The following DNAH14 variants were observed in gnomAD, a reference collection of about 807,000 sequenced individuals.
The protein encoded by DNAH14 is axonemal beta dynein heavy chain 14.
In DNAH14, 478 loss-of-function variants were observed where a neutral mutation model predicts 520.9. The observed-to-expected ratio is 0.92, with a 90% CI of 0.85 to 0.99. The LOEUF is 0.99. Ranked by LOEUF, DNAH14 falls within the 50% of genes least tolerant of loss-of-function variation. DNAH14 has a pLI of 0.00. For synonymous variants in DNAH14, 1,581 were observed against 1,757.2 expected, an observed-to-expected ratio of 0.90 and a Z score of 2.51; for missense variants, 4,831 against 5,234.5, an observed-to-expected ratio of 0.92 and a Z score of 2.38.
At chr1:225,026,254 T>C (rs1034944636) in intron 11 of DNAH14, among the ~76,000 whole-genome samples, 8 of 151,632 alleles carry the variant, frequency 5.3e-5, no homozygotes, top group Non-Finnish European at 1.0e-4. Context: ...AATTTTTATT[T>C]AATTTTTAAT....
rs541019058 is a variant in DNAH14 at position 225,104,226 on chromosome 1, G to A, written c.3867+3342G>A. Among the ~76,000 whole-genome samples, 130 of 152,250 alleles carry A rather than the reference G, an allele frequency of 8.5e-4. 1 individual carries two copies. Among genetic ancestry groups the A allele is most frequent in the African/African-American group, 3.1e-3 (128 of 41,540 alleles). ...ATGTTAAACCAGCCTTGAATCCCAG[G>A]GATGAAGCCCACTTGATCATGGTGG... On this transcript the variant is annotated intron_variant, in intron 23 of 85. Transcript: ENST00000682510.
At chr1:225,035,756 T>C (rs895621655) in intron 11 of DNAH14, among the ~76,000 whole-genome samples, 1 of 152,220 alleles carries the variant, frequency 6.6e-6, no homozygotes, top group Admixed American at 6.5e-5. Context: ...ATCTGACATA[T>C]GGTCTATCTT....
chr1:225,074,904 G>A lies in DNAH14; in HGVS notation c.2425-4303G>A, dbSNP rs993662313. Among the ~76,000 whole-genome samples, 7 of 152,198 alleles carry A rather than the reference G, an allele frequency of 4.6e-5. No individual in the cohort carries two copies. The South Asian group carries it at 6.2e-4, about 14-fold the overall frequency. On this transcript the variant is annotated intron_variant, in intron 17 of 85. Coordinates refer to ENST00000682510, the MANE Select transcript of DNAH14 (RefSeq NM_001367479.1). ...ACTGGATGTTATCCTGTGAGGCATC[G>A]TGAAAGTAGCACCCCCAGACTATCA...
chr1:225,192,398 C>A (rs1277868761), intron 37 of DNAH14, among the ~76,000 whole-genome samples: 1 of 152,056 alleles, frequency 6.6e-6, no homozygotes, highest in Non-Finnish European at 1.5e-5. Flanking sequence ...TCAACCCTGT[C>A]CCCAGACACA....
chr1:225,085,532 T>C lies in DNAH14; in HGVS notation c.3328-12T>C. The C allele has an allele frequency of 3.3e-6, 5 of 1,534,396 alleles. No individual in the cohort carries two copies. The highest frequency in any genetic ancestry group is 4.4e-6 in the Non-Finnish European group (5 of 1,133,590). ...CTATACTGGATACTAAAGAATACTTTGTTCATTTTAGATGTTTCAGTATGA... is the reference window on the plus strand; with the variant it reads ...CTATACTGGATACTAAAGAATACTTCGTTCATTTTAGATGTTTCAGTATGA... On this transcript the variant is annotated splice_polypyrimidine_tract_variant and intron_variant, in intron 20 of 85. Coordinates refer to ENST00000682510, the MANE Select transcript of DNAH14 (RefSeq NM_001367479.1).
chr1:225,215,301 T>C (rs2089137805), intron 41 of DNAH14, among the ~76,000 whole-genome samples: 1 of 152,200 alleles, frequency 6.6e-6, no homozygotes, highest in African/African-American at 2.4e-5. Context: ...TTCTTTTACA[T>C]TTGCTGAGGA....
At chr1:225,004,444 A>C (rs1005707589) in intron 9 of DNAH14, among the ~76,000 whole-genome samples, 3 of 152,214 alleles carry the variant, frequency 2.0e-5, no homozygotes, top group Admixed American at 2.0e-4. Context: ...GCTGGATTTG[A>C]ATAGCCATAG....
At chr1:225,283,525 A>C (rs1196115054) in intron 54 of DNAH14, among the ~76,000 whole-genome samples, 1 of 152,156 alleles carries the variant, frequency 6.6e-6, no homozygotes, top group Non-Finnish European at 1.5e-5. Context: ...CTTAGTGCCA[A>C]ATACATGGAA....
chr1:225,083,225 C>T (rs1001265527), intron 20 of DNAH14, among the ~76,000 whole-genome samples: 4 of 151,734 alleles, frequency 2.6e-5, no homozygotes, highest in Non-Finnish European at 5.9e-5. Flanking sequence ...TCAATTTTTC[C>T]ATGATTAAAA....
intron 28 of DNAH14, among the ~76,000 whole-genome samples, chr1:225,141,737 A>T (rs1199229113): frequency 6.6e-6 from 1 of 152,102 alleles, no homozygotes; most frequent in Non-Finnish European, 1.5e-5. Context: ...TTAATTCTGG[A>T]ACAGACTGAG....
chr1:225,211,746 A>G (rs968704946), intron 41 of DNAH14, among the ~76,000 whole-genome samples: 1 of 152,166 alleles, frequency 6.6e-6, no homozygotes, highest in African/African-American at 2.4e-5. Flanking sequence ...ACCAGAGAGA[A>G]AGGTTGGGTT....
intron 8 of DNAH14, among the ~76,000 whole-genome samples, chr1:224,980,970 C>T (rs966943777): frequency 3.3e-5 from 5 of 152,168 alleles, no homozygotes; most frequent in African/African-American, 4.8e-5. Context: ...GCACATGTAT[C>T]CCAGAACTTA....
intron 38 of DNAH14, among the ~76,000 whole-genome samples, chr1:225,203,279 C>T (rs986164283): frequency 6.6e-6 from 1 of 152,146 alleles, no homozygotes; most frequent in East Asian, 1.9e-4. Flanking sequence ...TGCACTAGAG[C>T]ATAATGATGT....
In DNAH14 at chr1:225,322,797, C is replaced by G. The variant is rs928131960; in HGVS notation, c.9469C>G (p.Leu3157Val). 1.3e-6 allele frequency: 2 copies of G among 1,551,758 alleles called. No homozygotes were observed. The highest frequency in any genetic ancestry group is 1.4e-5 in the African/African-American group (1 of 73,134). ...TGGTTTCCTGAAAAAATTGATTAAC[C>G]TTGACAAGGACAGCATACCTGATAA... ...ETGFLKKLIN[L>V]DKDSIPDKVF... Residue 3157 changes from leucine to valine, a missense_variant, in exon 62 of 86, where the codon CTT becomes GTT. Physicochemically the swap from Leu to Val is conservative, Grantham distance 32 (BLOSUM62 1). Transcript: ENST00000682510.
At chr1:225,354,185 T>A in intron 73 of DNAH14, 1 of 701,990 alleles carries the variant, frequency 1.4e-6, no homozygotes, top group East Asian at 2.7e-5. Flanking sequence ...ACATACTTTC[T>A]GCCTGCTTCT....
At chr1:225,218,615 T>C (rs2089694543) in intron 41 of DNAH14, among the ~76,000 whole-genome samples, 1 of 152,038 alleles carries the variant, frequency 6.6e-6, no homozygotes, top group Non-Finnish European at 1.5e-5. Flanking sequence ...GAGCTAACAA[T>C]CCTAAATATG....
At chr1:225,261,926 C>G (rs1450130046) in intron 46 of DNAH14, among the ~76,000 whole-genome samples, 1 of 151,922 alleles carries the variant, frequency 6.6e-6, no homozygotes, top group African/African-American at 2.4e-5. Flanking sequence ...GCCATACCAC[C>G]CTGAAAGTGC....
intron 31 of DNAH14, 43 bp from the exon 32 acceptor site, chr1:225,151,962 T>G (rs2149091663): frequency 6.8e-7 from 1 of 1,475,314 alleles, no homozygotes; most frequent in African/African-American, 1.4e-5. Context: ...TGCTTTGGAC[T>G]AGAGAAAACA....
At chr1:225,322,512 A>C (rs1457117056) in intron 61 of DNAH14, among the ~76,000 whole-genome samples, 152 bp from the exon 62 acceptor site, 1 of 152,220 alleles carries the variant, frequency 6.6e-6, no homozygotes, top group Non-Finnish European at 1.5e-5. Context: ...TTTTTAAAAG[A>C]TACCTAAGTA....
Sources: gnomAD v4.1 joint callset for allele counts (sites outside exome capture counted in the v4.1 genomes callset) on GRCh38, gnomAD v4.1.1 for gene constraint, MANE v1.5 for transcripts, NCBI Gene and HGNC (gene_info 2026-07-23, HGNC 2026-07-21) for gene names.